Variants in FRMD4A observed in about 807,000 individuals in gnomAD.
FRMD4A encodes the protein FERM domain containing 4A.
FRMD4A carries 29 observed loss-of-function variants against 129.1 expected under a neutral mutation model. That is an observed-to-expected ratio of 0.22 (90% CI 0.17 to 0.31). The LOEUF (loss-of-function observed/expected upper bound fraction) is 0.31. FRMD4A is among the 10% of genes least tolerant of loss of function. The pLI is 1.00. For missense variants in FRMD4A, 1,272 were observed against 1,375.8 expected (o/e 0.92, Z 1.19); for synonymous variants, 634 against 571.6 (o/e 1.11, Z -1.56).
At chr10:13,652,363 C>G (rs1476379163) in intron 23 of FRMD4A, 2 of 218,236 alleles carry the variant, frequency 9.2e-6, no homozygotes, top group African/African-American at 4.6e-5. Context: ...CATTTCGGAG[C>G]CTGTTGACAG....
intron 2 of FRMD4A, among the ~76,000 whole-genome samples, chr10:13,924,833 A>G (rs1263421530): frequency 6.6e-6 from 1 of 151,974 alleles, no homozygotes; most frequent in Non-Finnish European, 1.5e-5. Context: ...GGGAGGCCGA[A>G]GCGGGCGGAT....
intron 2 of FRMD4A, among the ~76,000 whole-genome samples, chr10:13,889,747 G>T (rs2094672831): frequency 6.6e-6 from 1 of 152,134 alleles, no homozygotes; most frequent in South Asian, 2.1e-4. Flanking sequence ...CCCCTTTAAT[G>T]AAAGAATAAG....
chr10:14,037,870 G>A (rs958601943), intron 2 of FRMD4A, among the ~76,000 whole-genome samples: 1 of 152,156 alleles, frequency 6.6e-6, no homozygotes, highest in Non-Finnish European at 1.5e-5. Flanking sequence ...CCAAAATGCT[G>A]TTTCACAAAA....
intron 17 of FRMD4A, among the ~76,000 whole-genome samples, chr10:13,666,537 G>A (rs1304987989): frequency 6.6e-6 from 1 of 152,186 alleles, no homozygotes; most frequent in Non-Finnish European, 1.5e-5. Context: ...GTGTTGGTGT[G>A]AACGCTGCCG....
At position 14,258,719 on chromosome 10, in the gene FRMD4A, C is replaced by T. The variant is rs190141905; in HGVS notation, c.45+71339G>A. Among the ~76,000 whole-genome samples the T allele has an allele frequency of 4.6e-5, 7 of 152,248 alleles. No individual in the cohort carries two copies. In the East Asian group the frequency reaches 9.6e-4, roughly 21 times the overall value. ...GTTCACACAAAGACTTGAGCAGAAA[C>T]GTTCATAGTTGTTTTATTTGTGATA... On this transcript the variant is annotated intron_variant, in intron 2 of 24. Coordinates refer to ENST00000357447, the MANE Select transcript of FRMD4A (RefSeq NM_018027.5).
Position 13,688,109 on chromosome 10 carries a change from T to A in FRMD4A, c.1117+5789A>T, listed in dbSNP as rs113056498. 5.2e-3 allele frequency among the ~76,000 whole-genome samples: 786 copies of A among 152,230 alleles called. 3 individuals are homozygous for A. Among genetic ancestry groups the A allele is most frequent in the African/African-American group, 0.018 (760 of 41,534 alleles). ...GTGTGATGAGCAGGACTGTCAAGAA[T>A]CTGGTGACAGCATAGCAAAGACTTG... On this transcript the variant is annotated intron_variant, in intron 15 of 24. Transcript: ENST00000357447.
intron 2 of FRMD4A, among the ~76,000 whole-genome samples, chr10:14,069,276 A>G (rs1378188708): frequency 6.6e-6 from 1 of 152,224 alleles, no homozygotes; most frequent in Non-Finnish European, 1.5e-5. Flanking sequence ...ATACACAGCT[A>G]TAAAAAATGA....
chr10:13,938,746 T>A (rs1468446362), intron 2 of FRMD4A, among the ~76,000 whole-genome samples: 1 of 152,204 alleles, frequency 6.6e-6, no homozygotes, highest in Non-Finnish European at 1.5e-5. Flanking sequence ...TCAGGAGATA[T>A]GTTTGATTGT....
intron 16 of FRMD4A, among the ~76,000 whole-genome samples, chr10:13,674,593 A>T (rs897977207): frequency 7.9e-5 from 12 of 152,172 alleles, no homozygotes; most frequent in Non-Finnish European, 1.6e-4. Context: ...ATATTCTTTT[A>T]AAAAAATTCG....
intron 2 of FRMD4A, among the ~76,000 whole-genome samples, chr10:13,993,523 G>A (rs2095611037): frequency 6.6e-6 from 1 of 152,220 alleles, no homozygotes; most frequent in South Asian, 2.1e-4. Flanking sequence ...GCAAATTTGA[G>A]TTAGCAAAAT....
rs540185042 is a variant in FRMD4A at position 13,977,385 on chromosome 10, A to G, written c.46-118473T>C. Among the ~76,000 whole-genome samples the G allele has an allele frequency of 7.2e-5, 11 of 152,354 alleles. No individual in the cohort carries two copies. The South Asian group carries it at 2.3e-3, about 32-fold the overall frequency. ...TCCATCCACTGAATGCCGTTAAGCA[A>G]TCTCCATGTGTAATCAAAATGCTGG... is the stretch of plus-strand genomic sequence containing the variant. On this transcript the variant is annotated intron_variant, in intron 2 of 24. Coordinates refer to ENST00000357447, the MANE Select transcript of FRMD4A (RefSeq NM_018027.5).
At chr10:13,733,129 G>C (rs1425187768) in intron 12 of FRMD4A, among the ~76,000 whole-genome samples, 1 of 152,252 alleles carries the variant, frequency 6.6e-6, no homozygotes, top group East Asian at 1.9e-4. Flanking sequence ...GCATTCACAC[G>C]TGTGTGCATC....
At chr10:13,881,990 GGTGTGTGTGTGT>G (rs71388128) in intron 2 of FRMD4A, among the ~76,000 whole-genome samples, 8 of 15,646 alleles carry the variant, frequency 5.1e-4, no homozygotes, top group East Asian at 2.3e-3. Context: ...GAGAGGCAAG[GGTGTGTGTGTGT>G]GTGTGTGTGT....
chr10:13,701,510 C>T lies in FRMD4A; in HGVS notation c.837-32G>A, dbSNP rs902031618. 1.9e-6 allele frequency: 3 copies of T among 1,599,530 alleles called. No individual in the cohort carries two copies. The African/African-American group carries it at 4.0e-5, about 21-fold the overall frequency. On this transcript the variant is annotated intron_variant, in intron 13 of 24. Transcript: ENST00000357447. Reference sequence around the variant, plus strand: ...AAGCAAGAATCACAAGGTTCAATCCCATTTCTGTTGAGAGAAACCATTTCT... The same window carrying T: ...AAGCAAGAATCACAAGGTTCAATCCTATTTCTGTTGAGAGAAACCATTTCT...
intron 2 of FRMD4A, among the ~76,000 whole-genome samples, chr10:14,219,924 C>T (rs1320140506): frequency 6.6e-6 from 1 of 152,226 alleles, no homozygotes; most frequent in South Asian, 2.1e-4. Context: ...AGTACATTTC[C>T]CCCTAATTCA....
chr10:14,134,631 G>C (rs1486682833), intron 2 of FRMD4A, among the ~76,000 whole-genome samples: 3 of 151,602 alleles, frequency 2.0e-5, no homozygotes, highest in Non-Finnish European at 2.9e-5. Flanking sequence ...GGATGAATGG[G>C]TGAATGGGTG....
At chr10:14,082,195 C>T (rs1835968075) in intron 2 of FRMD4A, among the ~76,000 whole-genome samples, 4 of 151,908 alleles carry the variant, frequency 2.6e-5, no homozygotes, top group South Asian at 2.1e-4. Flanking sequence ...TGCAGTGAGC[C>T]GAGATTGCAC....
At chr10:13,933,473 G>A (rs1440788998) in intron 2 of FRMD4A, among the ~76,000 whole-genome samples, 1 of 152,038 alleles carries the variant, frequency 6.6e-6, no homozygotes, top group Non-Finnish European at 1.5e-5. Context: ...GCTTGTTTAT[G>A]CGTTTTGTCC....
In FRMD4A at chr10:13,666,178, G is replaced by T. The variant is rs372996473; in HGVS notation, c.1522C>A (p.Gln508Lys). The change falls in exon 18 of 25, where the codon CAG (glutamine) becomes AAG (lysine). Residue 508 changes from glutamine to lysine, a missense_variant. By Grantham distance (53) the Gln-to-Lys change is moderately conservative. Coordinates refer to ENST00000357447, the MANE Select transcript of FRMD4A (RefSeq NM_018027.5). ...TSYLNALKKL[Q>K]EIENAINENR... The stretch of plus-strand genomic sequence containing the variant: ...TCATTGATTGCATTTTCAATCTCCT[G>T]CAGTTTCTTCAGTGCATTCAGATAC... 1.5e-5 allele frequency: 24 copies of T among 1,613,242 alleles called. No homozygotes were observed. In the African/African-American group the frequency reaches 2.5e-4, roughly 17 times the overall value.
Sources: allele counts gnomAD v4.1 joint callset (sites outside exome capture counted in the v4.1 genomes callset), GRCh38; gene constraint gnomAD v4.1.1; transcripts MANE v1.5; gene names NCBI Gene and HGNC (gene_info 2026-07-23, HGNC 2026-07-21).